The following PDE2A variants were observed in gnomAD, a reference collection of about 807,000 sequenced individuals.
PDE2A encodes cGMP-dependent 3',5'-cyclic phosphodiesterase.
PDE2A carries 53 observed loss-of-function variants against 133.6 expected under a neutral mutation model. The observed-to-expected ratio is 0.40, with a 90% CI of 0.32 to 0.50. The LOEUF (loss-of-function observed/expected upper bound fraction) is 0.50. Among genes scored for constraint, PDE2A ranks in the 20% least tolerant of loss-of-function variants. The pLI is 0.73. For synonymous variants in PDE2A, 491 were observed against 490.2 expected (o/e 1.00, Z -0.02); for missense variants, 796 against 1,232.4 (o/e 0.65, Z 5.30).
chr11:72,654,544 C>T (rs2135451559), intron 1 of PDE2A, among the ~76,000 whole-genome samples: 1 of 152,086 alleles, frequency 6.6e-6, no homozygotes, highest in Non-Finnish European at 1.5e-5. Context: ...GGGGTGGGTC[C>T]CCAGCCCTCC....
chr11:72,577,510 G>A lies in PDE2A; in HGVS notation c.2700C>T (p.His900=). The change falls in exon 31 of 31, where the codon CAC becomes CAT. Residue 900 remains histidine (H), a synonymous_variant. Transcript: ENST00000334456. ...TTGGGAGGCCGCGGATGGTGAACTT[G>A]TGGGACACCTTGGTCCAGTGCTCAC... ...SNREHWTKVS[H]KFTIRGLPSN... The A allele has an allele frequency of 6.2e-7, 1 of 1,613,334 alleles. No individual in the cohort carries two copies. The highest frequency in any genetic ancestry group is 8.5e-7 in the Non-Finnish European group (1 of 1,179,964).
intron 13 of PDE2A, among the ~76,000 whole-genome samples, chr11:72,587,048 A>T (rs1004656733): frequency 6.6e-6 from 1 of 152,140 alleles, no homozygotes; most frequent in African/African-American, 2.4e-5. Context: ...AAAGATCCTC[A>T]TCATTCTGAG....
intron 2 of PDE2A, among the ~76,000 whole-genome samples, chr11:72,609,567 C>A (rs1183137379): frequency 6.6e-6 from 1 of 152,224 alleles, no homozygotes; most frequent in African/African-American, 2.4e-5. Flanking sequence ...AGGAACAGAA[C>A]TCGTCCTTGC....
rs538625982 is a variant in PDE2A at position 72,590,104 on chromosome 11, T to C, written c.756+88A>G. 17 of 1,401,612 alleles carry C rather than the reference T, an allele frequency of 1.2e-5. No individual in the cohort carries two copies. The highest frequency in any genetic ancestry group is 4.1e-5 in the Admixed American group (2 of 49,290). The allele number at this position is 1,401,612 out of a possible 1,614,324, so 86.8% of individuals were successfully genotyped here. A position where few individuals can be genotyped will look rare whatever the true frequency, so the allele number is the denominator to read the frequency against. On this transcript the variant is annotated intron_variant, in intron 9 of 30. Transcript: ENST00000334456. The surrounding 1 kb of genome is among the most constrained non-coding windows in gnomAD (Gnocchi z 4.8). Reference sequence around the variant, plus strand: ...GAGAGAGGAAGGAAGGACATCGTAATTGGAACTGAGATGGAGGGCTCAAGG... The same window carrying C: ...GAGAGAGGAAGGAAGGACATCGTAACTGGAACTGAGATGGAGGGCTCAAGG...
intron 2 of PDE2A, among the ~76,000 whole-genome samples, chr11:72,635,150 C>T (rs528508232): frequency 6.6e-6 from 1 of 152,132 alleles, no homozygotes; most frequent in East Asian, 1.9e-4. Context: ...AGCCCCTTAC[C>T]CTGCAAGCTT....
chr11:72,600,562 A>C (rs1430897108), intron 4 of PDE2A, among the ~76,000 whole-genome samples: 2 of 152,016 alleles, frequency 1.3e-5, no homozygotes, highest in Non-Finnish European at 2.9e-5. Context: ...ATGCCCACAG[A>C]CTGCGAGGGG....
At chr11:72,604,436 T>G (rs1565164665) in intron 4 of PDE2A, among the ~76,000 whole-genome samples, 1 of 152,188 alleles carries the variant, frequency 6.6e-6, no homozygotes, top group Non-Finnish European at 1.5e-5. Context: ...GATCCCATGA[T>G]CCTGAAGTCA....
chr11:72,616,881 C>T (rs770017726), intron 2 of PDE2A, among the ~76,000 whole-genome samples: 9 of 152,216 alleles, frequency 5.9e-5, no homozygotes, highest in Non-Finnish European at 1.0e-4. Context: ...GGTCACCTGT[C>T]CCCCTCCCAG....
intron 2 of PDE2A, among the ~76,000 whole-genome samples, chr11:72,622,436 A>G (rs1192448455): frequency 6.6e-6 from 1 of 152,246 alleles, no homozygotes; most frequent in East Asian, 1.9e-4. Flanking sequence ...CACAATAGCT[A>G]AAATGTGAAA....
intron 21 of PDE2A, chr11:72,582,213 G>C: frequency 1.6e-6 from 1 of 609,534 alleles, no homozygotes; most frequent in Non-Finnish European, 2.9e-6. Context: ...CACATGCCCT[G>C]GGCATGGTTG....
chr11:72,646,385 G>A (rs964136435), intron 1 of PDE2A, among the ~76,000 whole-genome samples: 4 of 152,200 alleles, frequency 2.6e-5, no homozygotes, highest in South Asian at 2.1e-4. Context: ...CAGGAGGCAC[G>A]GCATTAGCCC....
chr11:72,584,482 A>AC (rs1565150407), intron 18 of PDE2A, 69 bp downstream of exon 18: 2 of 1,494,216 alleles, frequency 1.3e-6, no homozygotes, highest in Non-Finnish European at 1.8e-6. Context: ...AAGTGTTGCC[A>AC]CCCCCGCTCG....
chr11:72,646,654 A>T lies in PDE2A; in HGVS notation c.72-4328T>A, dbSNP rs148333296. 3.4e-3 allele frequency among the ~76,000 whole-genome samples: 510 copies of T among 152,168 alleles called. 2 individuals carry two copies. The highest frequency in any genetic ancestry group is 0.012 in the African/African-American group (485 of 41,516). ...AGGCAACATCCAAACTCAGTATAAGATGCAAGGCTCATCCCCACGTGACTT... is the reference window on the plus strand; with the variant it reads ...AGGCAACATCCAAACTCAGTATAAGTTGCAAGGCTCATCCCCACGTGACTT... On this transcript the variant is annotated intron_variant, in intron 1 of 30. Transcript: ENST00000334456.
intron 2 of PDE2A, among the ~76,000 whole-genome samples, chr11:72,616,089 G>A (rs1479000526): frequency 1.3e-5 from 2 of 152,196 alleles, no homozygotes; most frequent in African/African-American, 2.4e-5. Flanking sequence ...AGGCAGGCAT[G>A]GTGGCTCAAG....
At position 72,599,241 on chromosome 11, in the gene PDE2A, T is replaced by A. The variant is rs1292796888; in HGVS notation, c.324-1622A>T. Among the ~76,000 whole-genome samples the A allele has an allele frequency of 3.3e-5, 5 of 152,106 alleles. No homozygotes were observed. The East Asian group carries it at 7.7e-4, about 24-fold the overall frequency. On this transcript the variant is annotated intron_variant, in intron 4 of 30. Coordinates refer to ENST00000334456, the MANE Select transcript of PDE2A (RefSeq NM_002599.5). ...AGGACCCTGATGAAGGAATCTGTCC[T>A]CAGCCTTTCTTCTCTTTTGCACAAA...
At chr11:72,611,246 C>A (rs11824863) in intron 2 of PDE2A, among the ~76,000 whole-genome samples, 3 of 152,082 alleles carry the variant, frequency 2.0e-5, no homozygotes, top group African/African-American at 7.2e-5. Flanking sequence ...CCCATTTGAC[C>A]GATGAGGAAG....
chr11:72,653,189 G>A (rs1159497966), intron 1 of PDE2A, among the ~76,000 whole-genome samples: 1 of 152,234 alleles, frequency 6.6e-6, no homozygotes, highest in Non-Finnish European at 1.5e-5. Flanking sequence ...TGTTCTCTGG[G>A]CTGGAGGGCT....
At chr11:72,585,693 C>A (rs1024346627) in intron 14 of PDE2A, 100 bp from the exon 15 acceptor site, 4 of 1,016,392 alleles carry the variant, frequency 3.9e-6, no homozygotes, top group Non-Finnish European at 6.0e-6. Context: ...TCCTTCCTTC[C>A]CTAGGGCTCA....
chr11:72,592,027 C>T (rs868082020), intron 6 of PDE2A, among the ~76,000 whole-genome samples: 2 of 152,166 alleles, frequency 1.3e-5, no homozygotes, highest in Non-Finnish European at 2.9e-5. Context: ...CACCTTCCCC[C>T]CTCTAGATCC....
Sources: allele counts gnomAD v4.1 joint callset (sites outside exome capture counted in the v4.1 genomes callset), GRCh38; gene constraint gnomAD v4.1.1; non-coding constraint Gnocchi (gnomAD v3.1); transcripts MANE v1.5; gene names NCBI Gene and HGNC (gene_info 2026-07-23, HGNC 2026-07-21).